The following PCNT variants were observed in gnomAD, a reference collection of about 807,000 sequenced individuals.
PCNT encodes the protein kendrin.
Under a neutral mutation model 380.4 loss-of-function variants are expected in PCNT, and 319 were observed. The observed-to-expected ratio is 0.84, with a 90% CI of 0.77 to 0.92. The LOEUF is 0.92. PCNT is among the 40% of genes least tolerant of loss of function. The pLI is 0.00. For synonymous variants in PCNT, 1,845 were observed against 1,735.2 expected, an observed-to-expected ratio of 1.06 and a Z score of -1.57; for missense variants, 4,400 against 4,255.3, an observed-to-expected ratio of 1.03 and a Z score of -0.95.
chr21:46,444,150 C>T (rs111769282), intron 45 of PCNT, among the ~76,000 whole-genome samples: 29 of 152,304 alleles, frequency 1.9e-4, no homozygotes, highest in African/African-American at 6.7e-4. Context: ...CTCTGGTGCC[C>T]GAGAGCCCGG....
At chr21:46,326,115 C>G (rs910095165) in intron 1 of PCNT, among the ~76,000 whole-genome samples, 1 of 152,096 alleles carries the variant, frequency 6.6e-6, no homozygotes, top group South Asian at 2.1e-4. Context: ...TGTAAACTGC[C>G]AAGGGCTAGG....
chr21:46,384,472 AGTGGC>A (rs1438405061), intron 16 of PCNT, among the ~76,000 whole-genome samples: 1 of 146,988 alleles, frequency 6.8e-6, no homozygotes, highest in Non-Finnish European at 1.5e-5. Flanking sequence ...TTGTGCATTC[AGTGGC>A]AGAAGCGCAT....
At chr21:46,349,461 A>G (rs561308094) in intron 7 of PCNT, among the ~76,000 whole-genome samples, 1 of 152,228 alleles carries the variant, frequency 6.6e-6, no homozygotes, top group South Asian at 2.1e-4. Context: ...TTCACTTTTC[A>G]TACTCCAGGG....
intron 31 of PCNT, among the ~76,000 whole-genome samples, chr21:46,418,920 G>A (rs979844332): frequency 2.6e-5 from 4 of 152,202 alleles, no homozygotes; most frequent in Non-Finnish European, 5.9e-5. Context: ...GATGGTGCCT[G>A]CCAGGTTTCC....
At chr21:46,401,501 A>C in intron 25 of PCNT, 50 bp from the exon 26 acceptor site, 5 of 1,433,206 alleles carry the variant, frequency 3.5e-6, no homozygotes, top group Non-Finnish European at 3.9e-6. Flanking sequence ...CAGTTGAGGT[A>C]CTGAATTCCC....
In PCNT at chr21:46,436,129, A is replaced by G. The variant is rs375035745; in HGVS notation, c.8977A>G (p.Thr2993Ala). ...LSAARLLTSF[T>A]SQAVDRTVND... Reference sequence around the variant, plus strand: ...TGCCGCCCGGCTTCTCACCAGCTTCACCAGCCAGGCCGTGGACAGGTGTGC... The same window carrying G: ...TGCCGCCCGGCTTCTCACCAGCTTCGCCAGCCAGGCCGTGGACAGGTGTGC... The change falls in exon 39 of 47, where the codon ACC (threonine) becomes GCC (alanine). Residue 2993 changes from threonine to alanine, a missense_variant. Transcript: ENST00000359568. The G allele has an allele frequency of 7.6e-5, 122 of 1,608,218 alleles. No homozygotes were observed. Among genetic ancestry groups the G allele is most frequent in the Middle Eastern group, 1.7e-4 (1 of 6,032 alleles).
At chr21:46,416,009 C>A in intron 29 of PCNT, 60 bp from the exon 30 acceptor site, 1 of 1,554,930 alleles carries the variant, frequency 6.4e-7, no homozygotes, top group Non-Finnish European at 8.9e-7. Context: ...TAACACCAGA[C>A]AGGTGCGACT....
intron 24 of PCNT, among the ~76,000 whole-genome samples, chr21:46,399,024 T>G (rs1465765832): frequency 6.6e-6 from 1 of 152,094 alleles, no homozygotes; most frequent in African/African-American, 2.4e-5. Context: ...TTTCACTGTG[T>G]TAGCCAGGAT....
chr21:46,356,967 C>G lies in PCNT; in HGVS notation c.1937-7C>G. 1 of 1,613,398 alleles carries G rather than the reference C, an allele frequency of 6.2e-7. No individual in the cohort carries two copies. Among genetic ancestry groups the G allele is most frequent in the South Asian group, 1.1e-5 (1 of 91,052 alleles). On this transcript the variant is annotated splice_region_variant and splice_polypyrimidine_tract_variant and intron_variant, in intron 12 of 46. Coordinates refer to ENST00000359568, the MANE Select transcript of PCNT (RefSeq NM_006031.6). The stretch of plus-strand genomic sequence containing the variant: ...CTGACTGTCTTCCCTGCTCCTTTTC[C>G]ACACAGAGCTTCCCTGGGTGCATCT...
chr21:46,340,056 A>G (rs943412358), intron 3 of PCNT, among the ~76,000 whole-genome samples: 34 of 152,182 alleles, frequency 2.2e-4, no homozygotes, highest in African/African-American at 7.5e-4. Flanking sequence ...GAGAGGTTTA[A>G]TGGACTCACA....
chr21:46,365,796 A>G (rs149757342), intron 14 of PCNT, among the ~76,000 whole-genome samples: 1,441 of 130,098 alleles, frequency 0.011, 16 homozygotes, highest in Middle Eastern at 0.06. Flanking sequence ...ATAGGGTTCT[A>G]TTCACTGCCA....
chr21:46,359,961 A>G (rs959198081), intron 13 of PCNT, among the ~76,000 whole-genome samples: 1 of 147,976 alleles, frequency 6.8e-6, no homozygotes, highest in Non-Finnish European at 1.5e-5. Flanking sequence ...GGCTCAAGGG[A>G]TCCTCCTACC....
At chr21:46,413,538 C>T (rs1422132527) in intron 29 of PCNT, among the ~76,000 whole-genome samples, 1 of 152,222 alleles carries the variant, frequency 6.6e-6, no homozygotes, top group Non-Finnish European at 1.5e-5. Context: ...AAATTTCGTA[C>T]GTGCTTCATT....
intron 17 of PCNT, among the ~76,000 whole-genome samples, chr21:46,387,735 A>C (rs1034617734): frequency 6.6e-6 from 1 of 152,020 alleles, no homozygotes; most frequent in Non-Finnish European, 1.5e-5. Flanking sequence ...ATGAGTCCTC[A>C]TCGTCTGCTC....
chr21:46,362,214 C>T (rs749942270), intron 13 of PCNT, among the ~76,000 whole-genome samples: 1 of 152,170 alleles, frequency 6.6e-6, no homozygotes, highest in Non-Finnish European at 1.5e-5. Flanking sequence ...CAGCCTGAGA[C>T]GTGGGCGGGT....
chr21:46,335,968 G>C (rs1186191219), intron 3 of PCNT, among the ~76,000 whole-genome samples: 1 of 151,064 alleles, frequency 6.6e-6, no homozygotes, highest in Admixed American at 6.6e-5. Flanking sequence ...GTAAGCCACT[G>C]CACTTGGCCG....
chr21:46,440,923 G>A lies in PCNT; in HGVS notation c.9462G>A (p.Lys3154=), dbSNP rs1420484724. 2 of 1,612,668 alleles carry A rather than the reference G, an allele frequency of 1.2e-6. No individual in the cohort carries two copies. Among genetic ancestry groups the A allele is most frequent in the Non-Finnish European group, 1.7e-6 (2 of 1,178,748 alleles). ...GAAAAGCTCTGATTTATCAAAAGAA[G>A]TATCTTTTGCTGTTGATTGGTGGAT... ...SFRKALIYQK[K]YLLLLIGGFQ... The change falls in exon 43 of 47, where the codon AAG becomes AAA. Residue 3154 remains lysine, a synonymous_variant. Coordinates refer to ENST00000359568, the MANE Select transcript of PCNT (RefSeq NM_006031.6).
At chr21:46,384,832 C>T (rs2085769459) in intron 16 of PCNT, among the ~76,000 whole-genome samples, 1 of 152,156 alleles carries the variant, frequency 6.6e-6, no homozygotes, top group Non-Finnish European at 1.5e-5. Flanking sequence ...GAAGCGCATT[C>T]ACGGTGTTGT....
At chr21:46,341,455 T>C (rs914091012) in intron 3 of PCNT, among the ~76,000 whole-genome samples, 4 of 152,062 alleles carry the variant, frequency 2.6e-5, no homozygotes, top group African/African-American at 9.7e-5. Flanking sequence ...TCCAAAAATA[T>C]CCCTTTCCCT....
Sources: gnomAD v4.1 joint callset for allele counts (sites outside exome capture counted in the v4.1 genomes callset) on GRCh38, gnomAD v4.1.1 for gene constraint, MANE v1.5 for transcripts, NCBI Gene and HGNC (gene_info 2026-07-23, HGNC 2026-07-21) for gene names.